The following DAB2IP variants were observed in gnomAD, a reference collection of about 807,000 sequenced individuals.
DAB2IP encodes disabled homolog 2-interacting protein.
Under a neutral mutation model 107.2 loss-of-function variants are expected in DAB2IP, and 28 were observed. The observed-to-expected ratio is 0.26, with a 90% CI of 0.19 to 0.36. The LOEUF is 0.36. Ranked by LOEUF, DAB2IP falls within the 10% of genes least tolerant of loss-of-function variation. The pLI is 1.00. For synonymous variants in DAB2IP, 755 were observed against 706.4 expected, an observed-to-expected ratio of 1.07 and a Z score of -1.09; for missense variants, 1,400 against 1,644.7, an observed-to-expected ratio of 0.85 and a Z score of 2.57.
chr9:121,763,769 G>A lies in DAB2IP; in HGVS notation c.1350G>A (p.Glu450=), dbSNP rs1470241975. ...TCAAAGCGCTGTATGAGTCAGATGA[G>A]AACTGCGAAGTGGATCCCAGCAAGT... The change falls in exon 8 of 16, where the codon GAG becomes GAA. Residue 450 remains glutamate, a synonymous_variant. Coordinates refer to ENST00000408936, the Ensembl canonical transcript of DAB2IP. The A allele has an allele frequency of 2.5e-6, 4 of 1,613,998 alleles. No homozygotes were observed. In the African/African-American group the frequency reaches 5.3e-5, roughly 22 times the overall value.
chr9:121,583,476 T>G (rs1830248943), intron 1 of DAB2IP, among the ~76,000 whole-genome samples: 1 of 152,116 alleles, frequency 6.6e-6, no homozygotes, highest in Admixed American at 6.5e-5. Context: ...TTCTGGCCAC[T>G]GAGGAACGTG....
At chr9:121,594,263 G>T (rs1238782118) in intron 1 of DAB2IP, among the ~76,000 whole-genome samples, 1 of 147,946 alleles carries the variant, frequency 6.8e-6, no homozygotes, top group Non-Finnish European at 1.5e-5. Context: ...TGGAGATGGA[G>T]TCTTGCTCTG....
Position 121,774,254 on chromosome 9 carries a change from T to C in DAB2IP, c.2968-6T>C, listed in dbSNP as rs1390489533. 2 of 1,606,162 alleles carry C rather than the reference T, an allele frequency of 1.2e-6. No individual in the cohort carries two copies. The highest frequency in any genetic ancestry group is 1.3e-5 in the African/African-American group (1 of 74,448). On this transcript the variant is annotated splice_polypyrimidine_tract_variant and splice_region_variant and intron_variant, in intron 12 of 15. Transcript: ENST00000408936. The stretch of plus-strand genomic sequence containing the variant: ...TGCAGCCCCTCACAGCTGTGTTTCA[T>C]TGTAGGGCCCTTCACCTGTGAGCCC...
At chr9:121,587,469 G>C (rs181031486) in intron 1 of DAB2IP, among the ~76,000 whole-genome samples, 3 of 152,062 alleles carry the variant, frequency 2.0e-5, no homozygotes, top group African/African-American at 4.8e-5. Context: ...TTAGCCAGGC[G>C]TAGTGGCACA....
At chr9:121,676,213 G>A (rs1223378005) in intron 1 of DAB2IP, among the ~76,000 whole-genome samples, 1 of 152,230 alleles carries the variant, frequency 6.6e-6, no homozygotes, top group Non-Finnish European at 1.5e-5. Context: ...GATGAAGCCT[G>A]TGCTTCTGTG....
intron 3 of DAB2IP, among the ~76,000 whole-genome samples, chr9:121,730,199 G>A (rs111501215): frequency 0.012 from 1,763 of 152,306 alleles, 14 homozygotes; most frequent in Non-Finnish European, 0.02. Context: ...GCAACAGTAA[G>A]CCTGAAGAAC....
At chr9:121,754,795 C>A (rs985588634) in intron 3 of DAB2IP, among the ~76,000 whole-genome samples, 4 of 152,148 alleles carry the variant, frequency 2.6e-5, no homozygotes, top group Admixed American at 6.5e-5. Flanking sequence ...CCTGGGCAGG[C>A]CCAGCCTGCT....
At chr9:121,777,296 T>G (rs1174681710) in intron 14 of DAB2IP, among the ~76,000 whole-genome samples, 31 of 152,206 alleles carry the variant, frequency 2.0e-4, no homozygotes, top group Admixed American at 2.0e-3. Flanking sequence ...ACATAAGCCC[T>G]TCCCAGATTC....
Position 121,678,766 on chromosome 9 carries a change from G to A in DAB2IP, c.213G>A (p.Thr71=), listed in dbSNP as rs182778593. 111 of 1,594,218 alleles carry A rather than the reference G, an allele frequency of 7.0e-5. No individual in the cohort carries two copies. The African/African-American group carries it at 1.2e-3, about 18-fold the overall frequency. The change falls in exon 2 of 16, where the codon ACG becomes ACA. Residue 71 remains threonine, a synonymous_variant. Coordinates refer to ENST00000408936, the Ensembl canonical transcript of DAB2IP. The stretch of plus-strand genomic sequence containing the variant: ...CCAGCATGGAGCCCTCGGCCGCCAC[G>A]CCGTTCCGGGTCACGGTAACTATCT...
chr9:121,709,686 T>C (rs1830237630), intron 3 of DAB2IP, among the ~76,000 whole-genome samples: 1 of 152,200 alleles, frequency 6.6e-6, no homozygotes, highest in Admixed American at 6.5e-5. Flanking sequence ...CTGTCAGTGA[T>C]CACACTGATA....
At position 121,768,968 on chromosome 9, in the gene DAB2IP, T is replaced by C. The variant is rs150322128; in HGVS notation, c.1899+335T>C. On this transcript the variant is annotated intron_variant, in intron 10 of 15. Transcript: ENST00000408936. ...CGTGAATCCGCCTGTATGAAGAAGA[T>C]GACTCAAGACCCTGTACCTCCACTT... Among the ~76,000 whole-genome samples, 792 of 152,280 alleles carry C rather than the reference T, an allele frequency of 5.2e-3. 4 individuals are homozygous for C. The highest frequency in any genetic ancestry group is 7.0e-3 in the Admixed American group (107 of 15,298).
chr9:121,642,488 C>CTT (rs59223844), intron 1 of DAB2IP, among the ~76,000 whole-genome samples: 57 of 131,170 alleles, frequency 4.3e-4, no homozygotes, highest in African/African-American at 6.1e-4. Context: ...GCTTTTTTTT[C>CTT]TTTTTTTTTT....
At chr9:121,761,762 C>T (rs1252093137) in intron 6 of DAB2IP, among the ~76,000 whole-genome samples, 3 of 152,206 alleles carry the variant, frequency 2.0e-5, no homozygotes, top group Non-Finnish European at 4.4e-5. Flanking sequence ...CTGGCTGCCC[C>T]GTCCTTAACA....
intron 1 of DAB2IP, among the ~76,000 whole-genome samples, chr9:121,578,722 CTTTTTTTTTTTTTTTTTTTT>C (rs749525264): frequency 3.3e-3 from 155 of 47,324 alleles, no homozygotes; most frequent in Middle Eastern, 0.017. Context: ...CGGCCTATGT[CTTTTTTTTTTTTTTTTTTTT>C]TTTTTTTTTT....
intron 13 of DAB2IP, among the ~76,000 whole-genome samples, chr9:121,775,949 C>T (rs574261855): frequency 1.1e-4 from 16 of 152,338 alleles, no homozygotes; most frequent in Non-Finnish European, 1.6e-4. Flanking sequence ...TCTTCATCCC[C>T]GCTGTAGCCA....
chr9:121,651,984 C>T lies in DAB2IP; in HGVS notation c.124+85C>T. The T allele has an allele frequency of 1.7e-6, 2 of 1,158,200 alleles. No homozygotes were observed. The highest frequency in any genetic ancestry group is 2.2e-6 in the Non-Finnish European group (2 of 917,544). The allele number at this position is 1,158,200 out of a possible 1,614,324, so 71.7% of individuals were successfully genotyped here. A position where few individuals can be genotyped will look rare whatever the true frequency, so the allele number is the denominator to read the frequency against. ...GCCCTGGGATGCTAGGGACCGGGAT[C>T]CTCCTTCCAGCCATTTGCCGGGGGT... On this transcript the variant is annotated intron_variant, in intron 1 of 15. Transcript: ENST00000408936. The surrounding 1 kb of genome is among the most constrained non-coding windows in gnomAD (Gnocchi z 5.1).
At chr9:121,774,142 T>G in intron 12 of DAB2IP, 118 bp from the exon 13 acceptor site, 1 of 1,163,286 alleles carries the variant, frequency 8.6e-7, no homozygotes, top group South Asian at 1.9e-5. Context: ...CAGCTGGAGG[T>G]CCCCTCTTCC....
intron 11 of DAB2IP, among the ~76,000 whole-genome samples, 189 bp downstream of exon 11, chr9:121,770,913 G>C (rs1234405726): frequency 2.6e-5 from 4 of 151,128 alleles, no homozygotes; most frequent in African/African-American, 9.9e-5. Context: ...CTTCCTAGAG[G>C]AGGTGATGCT....
intron 3 of DAB2IP, 53 bp from the exon 4 acceptor site, chr9:121,756,960 C>T: frequency 6.2e-7 from 1 of 1,611,266 alleles, no homozygotes; most frequent in South Asian, 1.1e-5. Context: ...GACATGGCAA[C>T]CAGCTTGACC....
Sources: gnomAD v4.1 joint callset for allele counts (sites outside exome capture counted in the v4.1 genomes callset) on GRCh38, gnomAD v4.1.1 for gene constraint, Gnocchi (gnomAD v3.1) non-coding constraint, MANE v1.5 for transcripts, NCBI Gene and HGNC (gene_info 2026-07-23, HGNC 2026-07-21) for gene names.